The following RPS6KA2 variants were observed in gnomAD, a reference collection of about 807,000 sequenced individuals.
The protein encoded by RPS6KA2 is ribosomal protein S6 kinase A2, also known as ribosomal protein S6 kinase alpha-2.
A neutral mutation model predicts 91.8 loss-of-function variants in RPS6KA2; 42 were observed. That is an observed-to-expected ratio of 0.46 (90% CI 0.36 to 0.59). The LOEUF is 0.59. Ranked by LOEUF, RPS6KA2 falls within the 20% of genes least tolerant of loss-of-function variation. RPS6KA2 has a pLI of 0.00. For missense variants in RPS6KA2, 798 were observed against 978.5 expected, an observed-to-expected ratio of 0.82 and a Z score of 2.46; for synonymous variants, 414 against 393.6, an observed-to-expected ratio of 1.05 and a Z score of -0.61.
chr6:166,841,099 A>C (rs564302873), intron 2 of RPS6KA2, among the ~76,000 whole-genome samples: 25 of 151,724 alleles, frequency 1.6e-4, no homozygotes, highest in Non-Finnish European at 3.4e-4. Context: ...CTGGGCAACA[A>C]AGCAAACCCT....
chr6:166,769,948 C>G (rs1174956194), intron 2 of RPS6KA2, among the ~76,000 whole-genome samples: 1 of 152,200 alleles, frequency 6.6e-6, no homozygotes, highest in African/African-American at 2.4e-5. Flanking sequence ...TATATTTTTG[C>G]TTTTTAGCTT....
chr6:166,483,206 G>A (rs1781295501), intron 10 of RPS6KA2, among the ~76,000 whole-genome samples: 1 of 152,230 alleles, frequency 6.6e-6, no homozygotes, highest in Non-Finnish European at 1.5e-5. Context: ...TGCTGTCGGA[G>A]CTGGAAGGAA....
intron 11 of RPS6KA2, among the ~76,000 whole-genome samples, chr6:166,460,433 G>A (rs935031057): frequency 6.6e-6 from 1 of 152,230 alleles, no homozygotes; most frequent in Admixed American, 6.5e-5. Flanking sequence ...TGATGCTGCA[G>A]GTGGTGCTTA....
rs567834581 is a variant in RPS6KA2 at position 166,721,664 on chromosome 6, C to T, written c.123+136536G>A. Reference sequence around the variant, plus strand: ...GCGTCTGGGCCCCTCCTTCTAAGACCGAGTCTCGGGGACGGGAAAGATGCA... The same window carrying T: ...GCGTCTGGGCCCCTCCTTCTAAGACTGAGTCTCGGGGACGGGAAAGATGCA... On this transcript the variant is annotated intron_variant, in intron 2 of 21. Transcript: ENST00000503859. Among the ~76,000 whole-genome samples, 5 of 152,314 alleles carry T rather than the reference C, an allele frequency of 3.3e-5. No individual in the cohort carries two copies. The South Asian group carries it at 8.3e-4, about 25-fold the overall frequency.
intron 2 of RPS6KA2, among the ~76,000 whole-genome samples, chr6:166,730,267 A>G (rs1790470078): frequency 6.7e-6 from 1 of 149,738 alleles, no homozygotes; most frequent in Non-Finnish European, 1.5e-5. Context: ...TATGGGAGGC[A>G]TTGTCAAATG....
chr6:166,470,964 T>G, intron 10 of RPS6KA2, among the ~76,000 whole-genome samples: 1 of 152,106 alleles, frequency 6.6e-6, no homozygotes, highest in Non-Finnish European at 1.5e-5. Context: ...GAGGCGGGCT[T>G]GGCTGGAAGG....
chr6:166,548,164 C>G (rs1210330901), intron 1 of RPS6KA2, among the ~76,000 whole-genome samples: 6 of 152,156 alleles, frequency 3.9e-5, no homozygotes, highest in African/African-American at 9.7e-5. Flanking sequence ...AGTATAGTAT[C>G]TGTGTGTCAA....
At position 166,478,615 on chromosome 6, in the gene RPS6KA2, C is replaced by T. The variant is rs181013607; in HGVS notation, c.908-8710G>A. Among the ~76,000 whole-genome samples the T allele has an allele frequency of 2.1e-3, 319 of 152,300 alleles. 4 individuals carry two copies. The highest frequency in any genetic ancestry group is 7.2e-3 in the African/African-American group (298 of 41,562). On this transcript the variant is annotated intron_variant, in intron 10 of 20. Coordinates refer to ENST00000265678, the MANE Select transcript of RPS6KA2 (RefSeq NM_021135.6). ...CAAAACGATGGTTTTCTCCAGAAAA[C>T]GCTCAGAATTGTGGCTCCTCGGCTA...
intron 3 of RPS6KA2, among the ~76,000 whole-genome samples, chr6:166,529,860 T>C (rs1783204338): frequency 1.3e-5 from 2 of 152,238 alleles, no homozygotes; most frequent in South Asian, 4.1e-4. Flanking sequence ...GGTCAACTTC[T>C]GCATTTTCTT....
In RPS6KA2 at chr6:166,434,837, G is replaced by A. The variant is rs1012896; in HGVS notation, c.1333-2347C>T. Among the ~76,000 whole-genome samples, 4,323 of 152,104 alleles carry A rather than the reference G, an allele frequency of 0.028. 205 individuals carry two copies. The highest frequency in any genetic ancestry group is 0.099 in the African/African-American group (4,087 of 41,470). On this transcript the variant is annotated intron_variant, in intron 14 of 20. Coordinates refer to ENST00000265678, the MANE Select transcript of RPS6KA2 (RefSeq NM_021135.6). The surrounding 1 kb of genome is among the most constrained non-coding windows in gnomAD (Gnocchi z 4.4). ...GCCGACGCGAGCAGGTGCATCCTAC[G>A]CCATCCCTTGTTTTAAAAATGGAGA...
chr6:166,501,380 T>C (rs2128478448), intron 6 of RPS6KA2, among the ~76,000 whole-genome samples: 1 of 152,324 alleles, frequency 6.6e-6, no homozygotes, highest in African/African-American at 2.4e-5. Flanking sequence ...TATCCTCCCC[T>C]GAGCCCTGCC....
chr6:166,421,882 C>A (rs1264987877), intron 17 of RPS6KA2, among the ~76,000 whole-genome samples: 1 of 151,944 alleles, frequency 6.6e-6, no homozygotes, highest in Non-Finnish European at 1.5e-5. Flanking sequence ...AGGCTTATAA[C>A]CTGGTTACTT....
chr6:166,647,397 C>T (rs1311901705), intron 2 of RPS6KA2, among the ~76,000 whole-genome samples: 1 of 152,184 alleles, frequency 6.6e-6, no homozygotes, highest in East Asian at 1.9e-4. Flanking sequence ...CAGTTCTCTG[C>T]TGGTGGGGAT....
chr6:166,729,149 G>T (rs989239174), intron 2 of RPS6KA2, among the ~76,000 whole-genome samples: 3 of 152,156 alleles, frequency 2.0e-5, no homozygotes, highest in African/African-American at 7.2e-5. Flanking sequence ...TAGGCAGAGC[G>T]TGAAACAAGA....
At chr6:166,802,265 G>T (rs981137654) in intron 2 of RPS6KA2, among the ~76,000 whole-genome samples, 1 of 148,666 alleles carries the variant, frequency 6.7e-6, no homozygotes, top group Non-Finnish European at 1.5e-5. Flanking sequence ...GTGAGACTCC[G>T]TCTCAAAATA....
In RPS6KA2 at chr6:166,412,979, A is replaced by G; in HGVS notation, c.2077-92T>C. On this transcript the variant is annotated intron_variant, in intron 20 of 20. Coordinates refer to ENST00000265678, the MANE Select transcript of RPS6KA2 (RefSeq NM_021135.6). The surrounding 1 kb of genome is among the most constrained non-coding windows in gnomAD (Gnocchi z 4.3). ...GCCTCCATGGGCCTCAGCTGCCCCCAGGCAACGTGGGAGAAACCAGAGCTT... is the reference window on the plus strand; with the variant it reads ...GCCTCCATGGGCCTCAGCTGCCCCCGGGCAACGTGGGAGAAACCAGAGCTT... 4 of 1,339,776 alleles carry G rather than the reference A, an allele frequency of 3.0e-6. No individual in the cohort carries two copies. Among genetic ancestry groups the G allele is most frequent in the Non-Finnish European group, 4.0e-6 (4 of 1,009,034 alleles). The allele number at this position is 1,339,776 out of a possible 1,614,324, so 83.0% of individuals were successfully genotyped here.
chr6:166,697,806 T>A (rs1789399103), intron 2 of RPS6KA2, among the ~76,000 whole-genome samples: 1 of 152,208 alleles, frequency 6.6e-6, no homozygotes, highest in Admixed American at 6.5e-5. Context: ...CACACCCGAC[T>A]AAGCAACATG....
intron 2 of RPS6KA2, among the ~76,000 whole-genome samples, chr6:166,658,940 C>A (rs973125941): frequency 2.0e-5 from 3 of 152,142 alleles, no homozygotes; most frequent in Non-Finnish European, 4.4e-5. Context: ...GAACCCGCCC[C>A]GACACGTGAC....
At chr6:166,484,610 G>A (rs941495378) in intron 10 of RPS6KA2, among the ~76,000 whole-genome samples, 6 of 152,166 alleles carry the variant, frequency 3.9e-5, no homozygotes, top group African/African-American at 7.2e-5. Flanking sequence ...TGTTGTAGCC[G>A]CATTGCCATC....
Sources: gnomAD v4.1 joint callset for allele counts (sites outside exome capture counted in the v4.1 genomes callset) on GRCh38, gnomAD v4.1.1 for gene constraint, Gnocchi (gnomAD v3.1) non-coding constraint, MANE v1.5 for transcripts, NCBI Gene and HGNC (gene_info 2026-07-23, HGNC 2026-07-21) for gene names.